Variants in ARFGAP2 observed in about 807,000 individuals in gnomAD.
ARFGAP2 encodes ADP-ribosylation factor GTPase-activating protein 2.
A neutral mutation model predicts 71.9 loss-of-function variants in ARFGAP2; 45 were observed. That is an observed-to-expected ratio of 0.63 (90% CI 0.49 to 0.80). The LOEUF (loss-of-function observed/expected upper bound fraction) is 0.80. Among genes scored for constraint, ARFGAP2 ranks in the 30% least tolerant of loss-of-function variants. The pLI, the probability that ARFGAP2 is intolerant of heterozygous loss-of-function variation, is 0.00. For missense variants in ARFGAP2, 633 were observed against 673.9 expected (o/e 0.94, Z 0.67); for synonymous variants, 248 against 249.2 (o/e 1.00, Z 0.05).
At position 47,175,215 on chromosome 11, in the gene ARFGAP2, C is replaced by T. The variant is rs376124108; in HGVS notation, c.363G>A (p.Leu121=). ...CATGCCTAGCCAGGGCCGCACTCCC[C>T]AGCTGCCGGATCTTCTCCCGGTACA... ...AQMYREKIRQ[L]GSAALARHGT... is the part of the protein sequence containing the mutation. Residue 121 remains leucine, a synonymous_variant, in exon 4 of 16, where the codon CTG becomes CTA. Coordinates refer to ENST00000524782, the MANE Select transcript of ARFGAP2 (RefSeq NM_032389.6). 2.5e-6 allele frequency: 4 copies of T among 1,614,048 alleles called. No homozygotes were observed. The highest frequency in any genetic ancestry group is 2.5e-6 in the Non-Finnish European group (3 of 1,180,046).
intron 5 of ARFGAP2, 198 bp downstream of exon 5, chr11:47,174,817 A>G: frequency 1.6e-6 from 1 of 626,926 alleles, no homozygotes; most frequent in South Asian, 2.0e-5. Flanking sequence ...TCGATTTCTA[A>G]GGAGGGCTAC....
chr11:47,165,159 T>A lies in ARFGAP2; in HGVS notation c.*323A>T. On this transcript the variant is annotated 3_prime_UTR_variant, in exon 16 of 16. Coordinates refer to ENST00000524782, the MANE Select transcript of ARFGAP2 (RefSeq NM_032389.6). The stretch of plus-strand genomic sequence containing the variant: ...ACCTGGGGAAAGTCTGGACCCAGAA[T>A]AAGCCATCGTGGGGGAACCCCCTTT... The A allele has an allele frequency of 2.8e-6, 1 of 352,918 alleles. No individual in the cohort carries two copies. The highest frequency in any genetic ancestry group is 5.1e-6 in the Non-Finnish European group (1 of 196,292). 21.9% of individuals were successfully genotyped at this position (352,918 alleles called of 1,614,324 possible).
intron 15 of ARFGAP2, 94 bp from the exon 16 acceptor site, chr11:47,165,596 C>T: frequency 2.2e-6 from 3 of 1,348,602 alleles, no homozygotes; most frequent in Non-Finnish European, 9.9e-7. Flanking sequence ...CAGCACCCCA[C>T]AGCAAGACTG....
intron 15 of ARFGAP2, among the ~76,000 whole-genome samples, chr11:47,165,887 T>C (rs1271659294): frequency 6.6e-6 from 1 of 151,872 alleles, no homozygotes; most frequent in Non-Finnish European, 1.5e-5. Context: ...GGTTTTTTTT[T>C]TGAGACAAGA....
chr11:47,164,319 G>C lies in ARFGAP2; in HGVS notation c.*1163C>G, dbSNP rs1165285619. On this transcript the variant is annotated 3_prime_UTR_variant, in exon 16 of 16. Coordinates refer to ENST00000524782, the MANE Select transcript of ARFGAP2 (RefSeq NM_032389.6). ...ACACTGCTTCACTCAGACCAACAGG[G>C]AGCCAGGCCCTGCAGGGGCTTTATT... is the stretch of plus-strand genomic sequence containing the variant. 3 of 1,493,908 alleles carry C rather than the reference G, an allele frequency of 2.0e-6. No individual in the cohort carries two copies. The highest frequency in any genetic ancestry group is 2.4e-5 in the Admixed American group (1 of 41,932). 92.5% of individuals were successfully genotyped at this position (1,493,908 alleles called of 1,614,324 possible).
rs1952794275 is a variant in ARFGAP2, at chr11:47,175,893, C to A, written c.222G>T (p.Trp74Cys). The A allele has an allele frequency of 6.2e-7, 1 of 1,614,140 alleles. No individual in the cohort carries two copies. Among genetic ancestry groups the A allele is most frequent in the Non-Finnish European group, 8.5e-7 (1 of 1,180,020 alleles). The change falls in exon 3 of 16, where the codon TGG (tryptophan) becomes TGT (cysteine). Residue 74 changes from tryptophan to cysteine, a missense_variant. Transcript: ENST00000524782. Reference protein sequence around the residue: ...RSTELDSNWNWFQLRCMQVGG... With the variant: ...RSTELDSNWNCFQLRCMQVGG... ...CGACCTGCATACACCTCAGCTGGAACCAGTTCCAGTTGGAATCCAACTCTG... is the reference window on the plus strand; with the variant it reads ...CGACCTGCATACACCTCAGCTGGAAACAGTTCCAGTTGGAATCCAACTCTG...
chr11:47,175,877 T>A lies in ARFGAP2; in HGVS notation c.238A>T (p.Met80Leu), dbSNP rs369735265. 1.1e-5 allele frequency: 18 copies of A among 1,614,146 alleles called. No homozygotes were observed. Among genetic ancestry groups the A allele is most frequent in the Non-Finnish European group, 1.4e-5 (17 of 1,180,012 alleles). The change falls in exon 3 of 16, where the codon ATG (methionine) becomes TTG (leucine). Residue 80 changes from methionine (M) to leucine (L), a missense_variant. Transcript: ENST00000524782. ...GCATTGGCATTCCCGCCGACCTGCA[T>A]ACACCTCAGCTGGAACCAGTTCCAG... ...SNWNWFQLRC[M>L]QVGGNANATA...
At chr11:47,168,404 C>A in intron 10 of ARFGAP2, 153 bp from the exon 11 acceptor site, 1 of 974,946 alleles carries the variant, frequency 1.0e-6, no homozygotes, top group Non-Finnish European at 1.5e-6. Flanking sequence ...CAGACCCCAA[C>A]AGAAGGCTAG....
Position 47,171,796 on chromosome 11 carries a change from C to T in ARFGAP2, c.677G>A (p.Gly226Asp). The part of the protein sequence containing the change: ...KKPAAAKKGL[G>D]AKKGLGAQKV... ...CTGGGCCCCTAGGCCTTTCTTGGCA[C>T]CCAGCTGGGAACAGAATCATGTAAG... The change falls in exon 9 of 16, where the codon GGT becomes GAT. Residue 226 changes from glycine to aspartate, a missense_variant. Gly to Asp is a moderately conservative substitution (Grantham distance 94, BLOSUM62 -1). Transcript: ENST00000524782. 6.2e-7 allele frequency: 1 copy of T among 1,613,606 alleles called. No individual in the cohort carries two copies. Among genetic ancestry groups the T allele is most frequent in the Non-Finnish European group, 8.5e-7 (1 of 1,180,040 alleles).
At chr11:47,170,057 G>A (rs1469079517) in intron 10 of ARFGAP2, among the ~76,000 whole-genome samples, 1 of 152,140 alleles carries the variant, frequency 6.6e-6, no homozygotes, top group East Asian at 1.9e-4. Context: ...GGGCGCCGTG[G>A]CTCACACCGG....
In ARFGAP2 at chr11:47,165,221, G is replaced by A. The variant is rs1182538159; in HGVS notation, c.*261C>T. On this transcript the variant is annotated 3_prime_UTR_variant, in exon 16 of 16. Coordinates refer to ENST00000524782, the MANE Select transcript of ARFGAP2 (RefSeq NM_032389.6). The stretch of plus-strand genomic sequence containing the variant: ...AGGATAAGTGAGCAGCAGCTGTGGG[G>A]GCAGGACAGAAGGACAAGAGTCTAA... 43 of 399,420 alleles carry A rather than the reference G, an allele frequency of 1.1e-4. No homozygotes were observed. Among genetic ancestry groups the A allele is most frequent in the Non-Finnish European group, 1.7e-4 (39 of 226,962 alleles). The allele number at this position is 399,420 out of a possible 1,614,324, so 24.7% of individuals were successfully genotyped here.
chr11:47,168,006 C>G lies in ARFGAP2; in HGVS notation c.1108G>C (p.Gly370Arg). 6.2e-7 allele frequency: 1 copy of G among 1,614,174 alleles called. No homozygotes were observed. Among genetic ancestry groups the G allele is most frequent in the South Asian group, 1.1e-5 (1 of 91,084 alleles). ...GCAGCATCTGTATCCCAGCGGGAGC[C>G]AAAGCTTTCCCCTAAGGAAAAGGGA... ...DNPFSLGESF[G>R]SRWDTDAAWG... is the part of the protein sequence containing the mutation. Residue 370 changes from glycine (G) to arginine (R), a missense_variant, in exon 12 of 16, where the codon GGC becomes CGC. Coordinates refer to ENST00000524782, the MANE Select transcript of ARFGAP2 (RefSeq NM_032389.6).
chr11:47,172,014 C>G, intron 8 of ARFGAP2: 1 of 793,188 alleles, frequency 1.3e-6, no homozygotes, highest in East Asian at 2.7e-5. Context: ...GGCCTGAGGA[C>G]GGCAGTTAAT....
rs201754050 is a variant in ARFGAP2, at chr11:47,165,514, G to T, written c.1546-12C>A. Reference sequence around the variant, plus strand: ...GAACCGTAGCGATCCTGGGGGCGAGGGGGGAGAAAAAAAAAAAAAAAGTCA... The same window carrying T: ...GAACCGTAGCGATCCTGGGGGCGAGTGGGGAGAAAAAAAAAAAAAAAGTCA... On this transcript the variant is annotated splice_polypyrimidine_tract_variant and intron_variant, in intron 15 of 15. Transcript: ENST00000524782. 1.3e-6 allele frequency: 2 copies of T among 1,534,472 alleles called. No homozygotes were observed. The highest frequency in any genetic ancestry group is 1.7e-6 in the Non-Finnish European group (2 of 1,147,946).
Position 47,166,899 on chromosome 11 carries a change from T to C in ARFGAP2, c.1206-13A>G, listed in dbSNP as rs1283434877. 1 of 1,611,656 alleles carries C rather than the reference T, an allele frequency of 6.2e-7. No homozygotes were observed. Among genetic ancestry groups the C allele is most frequent in the Non-Finnish European group, 8.5e-7 (1 of 1,179,184 alleles). On this transcript the variant is annotated splice_polypyrimidine_tract_variant and intron_variant, in intron 12 of 15. Transcript: ENST00000524782. ...CCGGTTTGTGGCTCTGAGGGGAAGA[T>C]GTGGAATATCTCGGACTCCTCCCAT...
At chr11:47,170,076 G>A (rs896271359) in intron 10 of ARFGAP2, among the ~76,000 whole-genome samples, 1 of 152,182 alleles carries the variant, frequency 6.6e-6, no homozygotes, top group Non-Finnish European at 1.5e-5. Flanking sequence ...GGTAATCCCA[G>A]TACTGTGGGA....
Position 47,165,153 on chromosome 11 carries a change from C to T in ARFGAP2, c.*329G>A, listed in dbSNP as rs1215455586. 2.9e-6 allele frequency: 1 copy of T among 345,490 alleles called. No homozygotes were observed. Among genetic ancestry groups the T allele is most frequent in the African/African-American group, 2.1e-5 (1 of 47,340 alleles). 21.4% of individuals were successfully genotyped at this position (345,490 alleles called of 1,614,324 possible). ...TTCCCTACCTGGGGAAAGTCTGGAC[C>T]CAGAATAAGCCATCGTGGGGGAACC... On this transcript the variant is annotated 3_prime_UTR_variant, in exon 16 of 16. Transcript: ENST00000524782.
At chr11:47,175,525 G>A in intron 3 of ARFGAP2, 1 of 742,722 alleles carries the variant, frequency 1.3e-6, no homozygotes. Context: ...CTGAAGTCCA[G>A]GCCCCACTGA....
rs761681129 is a variant in ARFGAP2, at chr11:47,171,556, C to A, written c.811G>T (p.Val271Phe). The A allele has an allele frequency of 1.1e-5, 18 of 1,614,078 alleles. No homozygotes were observed. The highest frequency in any genetic ancestry group is 1.7e-5 in the Admixed American group (1 of 60,002). The change falls in exon 10 of 16, where the codon GTC becomes TTC. Residue 271 changes from valine (V) to phenylalanine (F), a missense_variant and splice_region_variant. Coordinates refer to ENST00000524782, the MANE Select transcript of ARFGAP2 (RefSeq NM_032389.6). The stretch of plus-strand genomic sequence containing the variant: ...TGGTAGGCCAGACGCATGGAGGCGA[C>A]CCTTAGGGGGAACAAAGGTGTCAGT... ...DAKKQAEESM[V>F]ASMRLAYQEL...
Sources: gnomAD v4.1 joint callset for allele counts (sites outside exome capture counted in the v4.1 genomes callset) on GRCh38, gnomAD v4.1.1 for gene constraint, MANE v1.5 for transcripts, NCBI Gene and HGNC (gene_info 2026-07-23, HGNC 2026-07-21) for gene names.